The following DLC1 variants were observed in gnomAD, a reference collection of about 807,000 sequenced individuals.
DLC1 encodes DLC1 Rho GTPase activating protein.
In DLC1, 54 loss-of-function variants were observed where a neutral mutation model predicts 140.3. That is an observed-to-expected ratio of 0.38 (90% CI 0.31 to 0.48). The LOEUF is 0.48. DLC1 is among the 20% of genes least tolerant of loss of function. The pLI, the probability that DLC1 is intolerant of heterozygous loss-of-function variation, is 0.96. For synonymous variants in DLC1, 986 were observed against 728.1 expected (o/e 1.35, Z -5.70); for missense variants, 2,536 against 1,907.0 (o/e 1.33, Z -6.14).
chr8:13,553,826 C>A (rs1803949246), intron 1 of DLC1, among the ~76,000 whole-genome samples: 1 of 152,122 alleles, frequency 6.6e-6, no homozygotes. Context: ...ATTAAAAATT[C>A]TAATAGTTAA....
At chr8:13,244,308 T>A (rs968629370) in intron 5 of DLC1, among the ~76,000 whole-genome samples, 6 of 151,604 alleles carry the variant, frequency 4.0e-5, no homozygotes, top group African/African-American at 1.5e-4. Flanking sequence ...TTTTTTTTTT[T>A]TTTTTTTGAG....
intron 5 of DLC1, among the ~76,000 whole-genome samples, chr8:13,157,806 T>C (rs1369203077): frequency 6.6e-6 from 1 of 152,246 alleles, no homozygotes; most frequent in Non-Finnish European, 1.5e-5. Flanking sequence ...CTTGGAATCA[T>C]AATATTTCTT....
intron 2 of DLC1, among the ~76,000 whole-genome samples, chr8:13,403,555 C>A (rs1409164302): frequency 6.6e-6 from 1 of 152,094 alleles, no homozygotes; most frequent in Non-Finnish European, 1.5e-5. Context: ...CTTTGTGTAA[C>A]GGAGGCCTCT....
chr8:13,242,168 T>C (rs142723784), intron 5 of DLC1, among the ~76,000 whole-genome samples: 18 of 152,260 alleles, frequency 1.2e-4, no homozygotes, highest in African/African-American at 4.3e-4. Context: ...TTGTTCATCT[T>C]GTCTTCTTAG....
chr8:13,086,987 G>T (rs1435412493), intron 16 of DLC1, among the ~76,000 whole-genome samples: 2 of 152,162 alleles, frequency 1.3e-5, no homozygotes, highest in Non-Finnish European at 2.9e-5. Flanking sequence ...GCAACAAAGT[G>T]ATACCCCCCC....
intron 4 of DLC1, among the ~76,000 whole-genome samples, chr8:13,319,816 TC>T (rs1318411744): frequency 3.9e-4 from 20 of 50,834 alleles, no homozygotes; most frequent in African/African-American, 1.2e-3. Context: ...TAATTCTCTC[TC>T]TCTCTTTTTT....
chr8:13,482,819 C>T (rs1482326698), intron 2 of DLC1, among the ~76,000 whole-genome samples: 1 of 152,152 alleles, frequency 6.6e-6, no homozygotes, highest in Non-Finnish European at 1.5e-5. Flanking sequence ...TTAATAAATG[C>T]ATGCTGTACA....
At chr8:13,517,195 A>G (rs1802614879), upstream of DLC1, among the ~76,000 whole-genome samples, 1 of 152,170 alleles carries the variant, frequency 6.6e-6, no homozygotes, top group Admixed American at 6.5e-5. Context: ...TATCTCTGTC[A>G]CTGCCTTTAG....
At chr8:13,230,721 T>G (rs185403106) in intron 5 of DLC1, among the ~76,000 whole-genome samples, 70 of 151,778 alleles carry the variant, frequency 4.6e-4, no homozygotes, top group Admixed American at 1.5e-3. Context: ...CTCAGCCTCT[T>G]GAGTAGCTGG....
chr8:13,299,640 C>A (rs922558772), intron 5 of DLC1, among the ~76,000 whole-genome samples: 14 of 151,872 alleles, frequency 9.2e-5, no homozygotes, highest in Non-Finnish European at 1.8e-4. Flanking sequence ...AACCAACAAA[C>A]AAAATGAAGA....
rs180908914 is a variant in DLC1 at position 13,271,161 on chromosome 8, C to A, written c.1348+34108G>T. Among the ~76,000 whole-genome samples, 114 of 152,298 alleles carry A rather than the reference C, an allele frequency of 7.5e-4. 5 individuals carry two copies. The East Asian group carries it at 0.021, about 28-fold the overall frequency. ...TAGATACATGTTCACATTGCAATATCTCACGAAGCTTCCCTAACGGTTGTC... is the reference window on the plus strand; with the variant it reads ...TAGATACATGTTCACATTGCAATATATCACGAAGCTTCCCTAACGGTTGTC... On this transcript the variant is annotated intron_variant, in intron 5 of 17. Transcript: ENST00000276297.
intron 4 of DLC1, among the ~76,000 whole-genome samples, chr8:13,321,902 G>A (rs1729139): frequency 0.85 from 129,757 of 152,132 alleles, 55,796 homozygotes; most frequent in East Asian, 0.95. Flanking sequence ...GCTACATTCT[G>A]TGTTGTCTAT....
In DLC1 at chr8:13,432,544, C is replaced by T. The variant is rs77022469; in HGVS notation, c.1024-30925G>A. Among the ~76,000 whole-genome samples the T allele has an allele frequency of 3.1e-3, 477 of 152,184 alleles. 3 individuals carry two copies. The highest frequency in any genetic ancestry group is 0.011 in the African/African-American group (445 of 41,508). On this transcript the variant is annotated intron_variant, in intron 2 of 17. Transcript: ENST00000276297. ...CATTGGAGAAATATTAAATTCTTTG[C>T]ACTAAGAAAGGCAATACTCTAAATC... is the stretch of plus-strand genomic sequence containing the variant.
intron 2 of DLC1, among the ~76,000 whole-genome samples, chr8:13,492,976 T>C (rs1297538250): frequency 6.6e-6 from 1 of 152,204 alleles, no homozygotes; most frequent in Admixed American, 6.5e-5. Context: ...TTTACAAAGC[T>C]ATTGGCTTTA....
At chr8:13,543,310 T>C (rs1396403816) in intron 1 of DLC1, among the ~76,000 whole-genome samples, 1 of 152,186 alleles carries the variant, frequency 6.6e-6, no homozygotes, top group Non-Finnish European at 1.5e-5. Flanking sequence ...AATTGTGATA[T>C]TTGTATTGTC....
chr8:13,566,941 C>A lies in DLC1; in HGVS notation c.-126+37596G>T, dbSNP rs192314796. Reference sequence around the variant, plus strand: ...GGTCAGCTCCTGACGGGTTCCTGAGCCAGTCTTAACCTGGGCAAAGGAGAT... The same window carrying A: ...GGTCAGCTCCTGACGGGTTCCTGAGACAGTCTTAACCTGGGCAAAGGAGAT... On this transcript the variant is annotated intron_variant, in intron 1 of 1. Transcript: ENST00000631382. 424 of 1,476,796 alleles carry A rather than the reference C, an allele frequency of 2.9e-4. 1 individual carries two copies. The African/African-American group carries it at 5.3e-3, about 18-fold the overall frequency. The allele number at this position is 1,476,796 out of a possible 1,614,324, so 91.5% of individuals were successfully genotyped here. A position where few individuals can be genotyped will look rare whatever the true frequency, so the allele number is the denominator to read the frequency against.
intron 5 of DLC1, among the ~76,000 whole-genome samples, chr8:13,210,129 T>C (rs1038610165): frequency 6.6e-6 from 1 of 152,180 alleles, no homozygotes; most frequent in Non-Finnish European, 1.5e-5. Flanking sequence ...GGAGCAAGGA[T>C]AGAAAAAATT....
At chr8:13,322,231 C>T (rs1833154869) in intron 4 of DLC1, among the ~76,000 whole-genome samples, 1 of 152,150 alleles carries the variant, frequency 6.6e-6, no homozygotes, top group African/African-American at 2.4e-5. Context: ...TGAGTACCCA[C>T]TGCTGTTGAA....
At chr8:13,417,994 T>A (rs1838151811) in intron 2 of DLC1, among the ~76,000 whole-genome samples, 1 of 152,374 alleles carries the variant, frequency 6.6e-6, no homozygotes, top group African/African-American at 2.4e-5. Flanking sequence ...ATGTGTCTTT[T>A]GGCTGCATAA....
Sources: gnomAD v4.1 joint callset for allele counts (sites outside exome capture counted in the v4.1 genomes callset) on GRCh38, gnomAD v4.1.1 for gene constraint, MANE v1.5 for transcripts, NCBI Gene and HGNC (gene_info 2026-07-23, HGNC 2026-07-21) for gene names.